PLCB1: variants seen among roughly 807,000 people sequenced by gnomAD.
The protein encoded by PLCB1 is phospholipase C beta 1, also known as 1-phosphatidylinositol 4,5-bisphosphate phosphodiesterase beta-1.
In PLCB1, 46 loss-of-function variants were observed where a neutral mutation model predicts 161.8. That is an observed-to-expected ratio of 0.28 (90% CI 0.22 to 0.36). The LOEUF is 0.36. PLCB1 is among the 10% of genes least tolerant of loss of function. PLCB1 has a pLI of 1.00. For missense variants in PLCB1, 1,016 were observed against 1,472.5 expected, an observed-to-expected ratio of 0.69 and a Z score of 5.07; for synonymous variants, 517 against 503.7, an observed-to-expected ratio of 1.03 and a Z score of -0.35.
chr20:8,706,355 T>C (rs1167616290), intron 11 of PLCB1, among the ~76,000 whole-genome samples: 1 of 152,024 alleles, frequency 6.6e-6, no homozygotes, highest in African/African-American at 2.4e-5. Context: ...GGGAAGCAAA[T>C]ACGTGGGAAT....
At chr20:8,603,178 G>A (rs1280336912) in intron 3 of PLCB1, among the ~76,000 whole-genome samples, 1 of 152,138 alleles carries the variant, frequency 6.6e-6, no homozygotes, top group Non-Finnish European at 1.5e-5. Flanking sequence ...TTAAAGAAAT[G>A]TGCCAGAAGA....
intron 15 of PLCB1, among the ~76,000 whole-genome samples, chr20:8,723,740 G>T (rs1268082426): frequency 6.6e-6 from 1 of 152,036 alleles, no homozygotes. Context: ...AAGGTTGCCC[G>T]GTTTCTAACT....
chr20:8,482,987 TG>T (rs1463831531), intron 3 of PLCB1, among the ~76,000 whole-genome samples: 2 of 151,904 alleles, frequency 1.3e-5, no homozygotes, highest in Non-Finnish European at 2.9e-5. Context: ...GGAAAAAATG[TG>T]GGAGACATTT....
At chr20:8,757,854 A>G in intron 24 of PLCB1, among the ~76,000 whole-genome samples, 1 of 109,900 alleles carries the variant, frequency 9.1e-6, no homozygotes, top group African/African-American at 3.3e-5. Flanking sequence ...CATTTCTCAA[A>G]ATGAATAAAT....
At chr20:8,790,127 C>T in intron 30 of PLCB1, 48 bp from the exon 31 acceptor site, 1 of 1,370,290 alleles carries the variant, frequency 7.3e-7, no homozygotes, top group Non-Finnish European at 1.0e-6. Flanking sequence ...AAAACGTGCA[C>T]TTTTAAATGT....
intron 3 of PLCB1, among the ~76,000 whole-genome samples, chr20:8,546,312 TCAAAAA>T (rs1327855798): frequency 3.3e-4 from 17 of 52,112 alleles, no homozygotes; most frequent in African/African-American, 1.5e-3. Context: ...AGACTCTATC[TCAAAAA>T]AAAAAAAAAA....
At position 8,739,330 on chromosome 20, in the gene PLCB1, C is replaced by T. The variant is rs1194618095; in HGVS notation, c.2278C>T (p.Arg760Cys). ...AGAAGGAGGTAAATTCATTGGCCAC[C>T]GTATCTTGCCAGTGCAAGCCATTCG... ...YEEGGKFIGH[R>C]ILPVQAIRPG... Residue 760 changes from arginine to cysteine, a missense_variant, in exon 21 of 32, where the codon CGT (arginine) becomes TGT (cysteine). Physicochemically the swap from Arg to Cys is radical, Grantham distance 180 (BLOSUM62 -3). This residue lies in a region of PLCB1 where 75 missense variants were observed against 117.0 expected (regional missense o/e 0.64). Transcript: ENST00000338037. The T allele has an allele frequency of 4.3e-6, 7 of 1,613,520 alleles. No homozygotes were observed. Among genetic ancestry groups the T allele is most frequent in the East Asian group, 2.2e-5 (1 of 44,880 alleles).
chr20:8,387,690 A>G (rs1343995156), intron 3 of PLCB1, among the ~76,000 whole-genome samples: 1 of 152,162 alleles, frequency 6.6e-6, no homozygotes, highest in African/African-American at 2.4e-5. Context: ...AACCCCCACA[A>G]TATCTGCAAA....
chr20:8,410,675 T>C (rs1036799646), intron 3 of PLCB1, among the ~76,000 whole-genome samples: 6 of 152,162 alleles, frequency 3.9e-5, no homozygotes, highest in Non-Finnish European at 8.8e-5. Flanking sequence ...ATGGGTTGAA[T>C]AGCAGTCCCC....
intron 2 of PLCB1, among the ~76,000 whole-genome samples, chr20:8,279,312 T>A (rs2180532): frequency 0.32 from 48,891 of 152,026 alleles, 8,138 homozygotes; most frequent in East Asian, 0.42. Context: ...GCCATGAAAG[T>A]CTGATATTTC....
rs759182223 is a variant in PLCB1, at chr20:8,851,854, C to G, written c.3424-29768C>G. On this transcript the variant is annotated intron_variant, in intron 31 of 31. Coordinates refer to ENST00000338037, the MANE Select transcript of PLCB1 (RefSeq NM_015192.4). ...GAAGTTGCAATTTAGAGGCAGTTAC[C>G]CTTAACCCTGGCATCTTTTTCCCCC... is the stretch of plus-strand genomic sequence containing the variant. Among the ~76,000 whole-genome samples, 4 of 151,954 alleles carry G rather than the reference C, an allele frequency of 2.6e-5. No individual in the cohort carries two copies. In the South Asian group the frequency reaches 8.3e-4, roughly 32 times the overall value.
chr20:8,450,417 A>G (rs1321746852), intron 3 of PLCB1, among the ~76,000 whole-genome samples: 1 of 152,084 alleles, frequency 6.6e-6, no homozygotes, highest in Admixed American at 6.6e-5. Context: ...ATTAGTGAAT[A>G]GGTAGAGACA....
chr20:8,738,437 T>G (rs1436445789), intron 20 of PLCB1, among the ~76,000 whole-genome samples: 1 of 152,152 alleles, frequency 6.6e-6, no homozygotes, highest in Admixed American at 6.5e-5. Context: ...TGATGGCCAG[T>G]GATGGTGAGC....
intron 2 of PLCB1, among the ~76,000 whole-genome samples, chr20:8,204,765 A>G (rs546653038): frequency 5.6e-4 from 86 of 152,276 alleles, no homozygotes; most frequent in African/African-American, 2.0e-3. Context: ...CTTTATAGCA[A>G]TGCAAGAACA....
chr20:8,150,374 A>G lies in PLCB1; in HGVS notation c.177+3A>G. 6.9e-7 allele frequency: 1 copy of G among 1,456,742 alleles called. No individual in the cohort carries two copies. Among genetic ancestry groups the G allele is most frequent in the Non-Finnish European group, 9.5e-7 (1 of 1,052,856 alleles). The allele number at this position is 1,456,742 out of a possible 1,614,324, so 90.2% of individuals were successfully genotyped here. On this transcript the variant is annotated splice_donor_region_variant and intron_variant, in intron 2 of 31. Transcript: ENST00000338037. The stretch of plus-strand genomic sequence containing the variant: ...TTTACTGGACAGATCAAAACAAGGT[A>G]AGAAATGAGGTATGCCTTTCTTACA...
At chr20:8,448,398 G>A (rs962072943) in intron 3 of PLCB1, among the ~76,000 whole-genome samples, 1 of 152,130 alleles carries the variant, frequency 6.6e-6, no homozygotes, top group African/African-American at 2.4e-5. Context: ...TGTTTTTGAT[G>A]GGAGCAGAGC....
At chr20:8,170,773 A>G (rs1465516545) in intron 2 of PLCB1, among the ~76,000 whole-genome samples, 1 of 152,218 alleles carries the variant, frequency 6.6e-6, no homozygotes, top group Non-Finnish European at 1.5e-5. Flanking sequence ...GAGCCATATG[A>G]AACAGCCATA....
intron 3 of PLCB1, among the ~76,000 whole-genome samples, chr20:8,527,441 C>G (rs1568494327): frequency 6.6e-6 from 1 of 152,082 alleles, no homozygotes; most frequent in East Asian, 1.9e-4. Context: ...CAAGACTACT[C>G]TTATTACACT....
At chr20:8,862,187 C>T (rs982124088) in intron 31 of PLCB1, among the ~76,000 whole-genome samples, 3 of 152,144 alleles carry the variant, frequency 2.0e-5, no homozygotes, top group African/African-American at 7.2e-5. Flanking sequence ...TTTGAATATA[C>T]TCACTATGTC....
Sources: allele counts gnomAD v4.1 joint callset (sites outside exome capture counted in the v4.1 genomes callset), GRCh38; gene constraint gnomAD v4.1.1; regional missense constraint gnomAD v4.1.1; transcripts MANE v1.5; gene names NCBI Gene and HGNC (gene_info 2026-07-23, HGNC 2026-07-21).